PTPN14: variants seen among roughly 807,000 people sequenced by gnomAD.
PTPN14 encodes protein tyrosine phosphatase non-receptor type 14.
PTPN14 carries 53 observed loss-of-function variants against 126.8 expected under a neutral mutation model. The ratio of observed to expected loss-of-function variants is 0.42; its 90% CI spans 0.34 to 0.53. PTPN14 has a LOEUF of 0.53. Among genes scored for constraint, PTPN14 ranks in the 20% least tolerant of loss-of-function variants. The probability of loss-of-function intolerance (pLI) is 0.08; values close to 1 mark genes in which losing one functional copy is unlikely to be tolerated. For synonymous variants in PTPN14, 630 were observed against 599.3 expected (o/e 1.05, Z -0.75); for missense variants, 1,257 against 1,552.9 (o/e 0.81, Z 3.20).
chr1:214,467,427 T>G (rs1292233027), intron 1 of PTPN14, among the ~76,000 whole-genome samples: 2 of 152,234 alleles, frequency 1.3e-5, no homozygotes, highest in African/African-American at 4.8e-5. Flanking sequence ...TAGGAAAGAA[T>G]GTGGCTGGCT....
intron 17 of PTPN14, among the ~76,000 whole-genome samples, chr1:214,365,109 G>C (rs1455781259): frequency 6.6e-6 from 1 of 152,108 alleles, no homozygotes; most frequent in Admixed American, 6.6e-5. Context: ...TTTCTGGTGG[G>C]GAGAGAGCAT....
Position 214,384,850 on chromosome 1 carries a change from C to T in PTPN14, c.1067-62G>A, listed in dbSNP as rs994795038. The T allele has an allele frequency of 2.6e-6, 4 of 1,539,822 alleles. No individual in the cohort carries two copies. In the African/African-American group the frequency reaches 5.5e-5, roughly 21 times the overall value. ...GCCATCCTGCCACAACAAAGTACAT[C>T]CTCATACTCATGAGGTGACTTTTAA... On this transcript the variant is annotated intron_variant, in intron 12 of 18. Transcript: ENST00000366956. This position sits in a 1 kb window ranked among gnomAD's most constrained non-coding sequence, Gnocchi z 5.3.
chr1:214,465,888 A>AAC (rs60417482), intron 1 of PTPN14, among the ~76,000 whole-genome samples: 1 of 131,922 alleles, frequency 7.6e-6, no homozygotes, highest in Non-Finnish European at 1.6e-5. Context: ...CTTATGTTTT[A>AAC]TTATTTACTT....
chr1:214,507,552 C>G (rs1346413942), intron 1 of PTPN14, among the ~76,000 whole-genome samples: 1 of 152,200 alleles, frequency 6.6e-6, no homozygotes, highest in Admixed American at 6.5e-5. Flanking sequence ...TCAGCTGTCA[C>G]AGAGTTAAAT....
intron 3 of PTPN14, among the ~76,000 whole-genome samples, chr1:214,428,106 T>A (rs1182530494): frequency 6.6e-6 from 1 of 152,142 alleles, no homozygotes; most frequent in African/African-American, 2.4e-5. Context: ...TACTGGCTGC[T>A]TTGTAGACAC....
Position 214,387,942 on chromosome 1 carries a change from A to T in PTPN14, c.988-1020T>A, listed in dbSNP as rs533538081. On this transcript the variant is annotated intron_variant, in intron 11 of 18. Coordinates refer to ENST00000366956, the MANE Select transcript of PTPN14 (RefSeq NM_005401.5). ...CAACAATGAGTGTGTAGCTGTCAAG[A>T]CCACTTGCTGACCTTCCCCATTGCA... Among the ~76,000 whole-genome samples, 280 of 152,166 alleles carry T rather than the reference A, an allele frequency of 1.8e-3. 1 individual carries two copies. The highest frequency in any genetic ancestry group is 6.5e-3 in the African/African-American group (270 of 41,482).
In PTPN14 at chr1:214,376,224, T is replaced by C. The variant is rs1433260693; in HGVS notation, c.2902A>G (p.Ile968Val). 30 of 1,612,452 alleles carry C rather than the reference T, an allele frequency of 1.9e-5. No individual in the cohort carries two copies. The highest frequency in any genetic ancestry group is 2.4e-5 in the Non-Finnish European group (28 of 1,178,624). Residue 968 changes from isoleucine (I) to valine (V), a missense_variant, in exon 15 of 19, where the codon ATC becomes GTC. By Grantham distance (29) the Ile-to-Val change is conservative (BLOSUM62 3). Coordinates refer to ENST00000366956, the MANE Select transcript of PTPN14 (RefSeq NM_005401.5). ...TAACAGGCTTGCCTTCTTACCTTGATGTGGGAGGCATTAATGTATCCTGTG... is the reference window on the plus strand; with the variant it reads ...TAACAGGCTTGCCTTCTTACCTTGACGTGGGAGGCATTAATGTATCCTGTG... ...NNTGYINASH[I>V]KVVVGGAEWH...
intron 3 of PTPN14, among the ~76,000 whole-genome samples, chr1:214,424,750 T>C (rs1345134172): frequency 6.6e-6 from 1 of 152,194 alleles, no homozygotes; most frequent in Non-Finnish European, 1.5e-5. Context: ...AGTTTTGCCA[T>C]GTTGGCAAGG....
chr1:214,402,867 C>A lies in PTPN14; in HGVS notation c.581+16G>T, dbSNP rs1659066522. On this transcript the variant is annotated intron_variant, in intron 6 of 18. Coordinates refer to ENST00000366956, the MANE Select transcript of PTPN14 (RefSeq NM_005401.5). ...ATCTGTTGTGCAGGCAGCCCCTTACCCTCTGCCTGCCTTACCTGTGGGCTT... is the reference window on the plus strand; with the variant it reads ...ATCTGTTGTGCAGGCAGCCCCTTACACTCTGCCTGCCTTACCTGTGGGCTT... The A allele has an allele frequency of 1.9e-6, 3 of 1,612,906 alleles. No individual in the cohort carries two copies. In the African/African-American group the frequency reaches 4.0e-5, roughly 22 times the overall value.
At chr1:214,378,205 A>G (rs1400615714) in intron 13 of PTPN14, 103 bp from the exon 14 acceptor site, 3 of 1,395,056 alleles carry the variant, frequency 2.2e-6, no homozygotes, top group East Asian at 4.7e-5. Flanking sequence ...CAAGGAATGC[A>G]GACAATCACC....
At chr1:214,365,313 C>T (rs1023176313) in intron 17 of PTPN14, among the ~76,000 whole-genome samples, 3 of 152,134 alleles carry the variant, frequency 2.0e-5, no homozygotes, top group East Asian at 1.9e-4. Context: ...CATGATACCC[C>T]CCATGCCTTC....
In PTPN14 at chr1:214,378,365, C is replaced by G. The variant is rs896374619; in HGVS notation, c.2545-263G>C. Among the ~76,000 whole-genome samples, 4 of 152,142 alleles carry G rather than the reference C, an allele frequency of 2.6e-5. No homozygotes were observed. The South Asian group carries it at 8.3e-4, about 31-fold the overall frequency. ...AGAAAAAAGACTCCCTACAAATACA[C>G]CCTGCCATAGGGCAAAACAAAACAA... On this transcript the variant is annotated intron_variant, in intron 13 of 18. Coordinates refer to ENST00000366956, the MANE Select transcript of PTPN14 (RefSeq NM_005401.5).
At chr1:214,432,556 A>G (rs1659819122) in intron 3 of PTPN14, among the ~76,000 whole-genome samples, 1 of 152,242 alleles carries the variant, frequency 6.6e-6, no homozygotes, top group South Asian at 2.1e-4. Flanking sequence ...CCAAATGTAA[A>G]CAATTCAAAT....
chr1:214,405,121 CTG>C (rs1220092884), intron 5 of PTPN14, among the ~76,000 whole-genome samples: 1 of 152,202 alleles, frequency 6.6e-6, no homozygotes, highest in Non-Finnish European at 1.5e-5. Context: ...CCCATCCCCT[CTG>C]GGAGAACCAT....
In PTPN14 at chr1:214,364,505, G is replaced by A. The variant is rs370701447; in HGVS notation, c.3435+7C>T. On this transcript the variant is annotated splice_region_variant and intron_variant, in intron 18 of 18. Transcript: ENST00000366956. This position sits in a 1 kb window ranked among gnomAD's most constrained non-coding sequence, Gnocchi z 4.1. Reference sequence around the variant, plus strand: ...GAGTATCCGGAGAGAAGCCCAGAATGACTCACTTCGTTATGTTCCAAGCAG... The same window carrying A: ...GAGTATCCGGAGAGAAGCCCAGAATAACTCACTTCGTTATGTTCCAAGCAG... The A allele has an allele frequency of 1.3e-5, 21 of 1,613,120 alleles. No individual in the cohort carries two copies. Among genetic ancestry groups the A allele is most frequent in the African/African-American group, 2.7e-5 (2 of 74,890 alleles).
chr1:214,537,835 C>T (rs1655743730), intron 1 of PTPN14, among the ~76,000 whole-genome samples: 1 of 152,130 alleles, frequency 6.6e-6, no homozygotes, highest in South Asian at 2.1e-4. Flanking sequence ...AAATGCAAGC[C>T]ACCTATGTAA....
intron 9 of PTPN14, among the ~76,000 whole-genome samples, chr1:214,394,322 A>T (rs550301183): frequency 6.6e-6 from 1 of 152,342 alleles, no homozygotes; most frequent in South Asian, 2.1e-4. Flanking sequence ...CACACCAGAC[A>T]ATGTGATCCA....
chr1:214,501,190 G>A (rs1447123557), intron 1 of PTPN14, among the ~76,000 whole-genome samples: 1 of 152,170 alleles, frequency 6.6e-6, no homozygotes, highest in South Asian at 2.1e-4. Flanking sequence ...CTGTTATTAA[G>A]CCATGTGAGA....
chr1:214,397,461 C>G (rs1658906824), intron 8 of PTPN14, among the ~76,000 whole-genome samples: 2 of 152,122 alleles, frequency 1.3e-5, no homozygotes, highest in South Asian at 4.1e-4. Context: ...ACTGAAGTGT[C>G]AAAATAATGA....
Sources: gnomAD v4.1 joint callset for allele counts (sites outside exome capture counted in the v4.1 genomes callset) on GRCh38, gnomAD v4.1.1 for gene constraint, Gnocchi (gnomAD v3.1) non-coding constraint, MANE v1.5 for transcripts, NCBI Gene and HGNC (gene_info 2026-07-23, HGNC 2026-07-21) for gene names.